GALNT12: variants seen among roughly 807,000 people sequenced by gnomAD.
GALNT12 encodes polypeptide N-acetylgalactosaminyltransferase 12, also known as UDP-GalNAc:polypeptide N-acetylgalactosaminyltransferase 12.
A neutral mutation model predicts 55.5 loss-of-function variants in GALNT12; 45 were observed. The ratio of observed to expected loss-of-function variants is 0.81; its 90% CI spans 0.64 to 1.04. The LOEUF (loss-of-function observed/expected upper bound fraction) is 1.04, where lower values mean the gene tolerates loss of function less well. Ranked by LOEUF, GALNT12 falls within the 50% of genes least tolerant of loss-of-function variation. The pLI is 0.00. For missense variants in GALNT12, 709 were observed against 754.8 expected (o/e 0.94, Z 0.71); for synonymous variants, 304 against 312.2 (o/e 0.97, Z 0.28).
chr9:98,821,325 A>G (rs1835729628), intron 1 of GALNT12, among the ~76,000 whole-genome samples: 1 of 151,812 alleles, frequency 6.6e-6, no homozygotes. Context: ...CTGCTTTTTT[A>G]ATGTTGAAAT....
At chr9:98,842,428 T>C (rs1160587912) in intron 7 of GALNT12, among the ~76,000 whole-genome samples, 3 of 152,096 alleles carry the variant, frequency 2.0e-5, no homozygotes, top group Non-Finnish European at 2.9e-5. Flanking sequence ...AGCTCAAGCA[T>C]TTCTCCTGCC....
chr9:98,837,271 G>A (rs961914980), intron 6 of GALNT12, 123 bp downstream of exon 6: 6 of 897,722 alleles, frequency 6.7e-6, no homozygotes, highest in Non-Finnish European at 5.6e-6. Context: ...GCTCAGATAC[G>A]AGTAAGGGGA....
intron 5 of GALNT12, among the ~76,000 whole-genome samples, chr9:98,836,373 C>T (rs761383701): frequency 1.6e-4 from 24 of 152,234 alleles, no homozygotes; most frequent in Middle Eastern, 3.4e-3. Context: ...GGCCTTCTAC[C>T]GAGGACTCAC....
intron 7 of GALNT12, among the ~76,000 whole-genome samples, chr9:98,842,408 T>G (rs1836313820): frequency 6.6e-6 from 1 of 152,142 alleles, no homozygotes; most frequent in Non-Finnish European, 1.5e-5. Flanking sequence ...AGGCTGGTCT[T>G]GAACTCCTGA....
At chr9:98,835,172 C>T (rs1047975425) in intron 4 of GALNT12, 77 bp from the exon 5 acceptor site, 20 of 967,580 alleles carry the variant, frequency 2.1e-5, no homozygotes, top group African/African-American at 6.4e-5. Flanking sequence ...TGAAAGGGCT[C>T]GTGGTGGGAA....
rs921201676 is a variant in GALNT12, at chr9:98,849,929, T to C, written c.*837T>C. On this transcript the variant is annotated 3_prime_UTR_variant, in exon 10 of 10. Transcript: ENST00000375011. ...CAAGTTTGTTCATTAATAACAGTTATTAATTTAAATCAGCGTTAGAGTTTG... is the reference window on the plus strand; with the variant it reads ...CAAGTTTGTTCATTAATAACAGTTACTAATTTAAATCAGCGTTAGAGTTTG... 4 of 237,278 alleles carry C rather than the reference T, an allele frequency of 1.7e-5. No homozygotes were observed. Among genetic ancestry groups the C allele is most frequent in the Non-Finnish European group, 2.5e-5 (3 of 122,088 alleles). 14.7% of individuals were successfully genotyped at this position (237,278 alleles called of 1,614,324 possible).
rs1588444834 is a variant in GALNT12, at chr9:98,823,494, A to G, written c.541+69A>G. The stretch of plus-strand genomic sequence containing the variant: ...GCAGTGTCTGGGAGGTGAGAGTGGG[A>G]TGCAGGAGGGCTAAAGTAGGCCCAG... On this transcript the variant is annotated intron_variant, in intron 2 of 9. Coordinates refer to ENST00000375011, the MANE Select transcript of GALNT12 (RefSeq NM_024642.5). 4 of 1,428,388 alleles carry G rather than the reference A, an allele frequency of 2.8e-6. No individual in the cohort carries two copies. The East Asian group carries it at 9.1e-5, about 33-fold the overall frequency. The allele number at this position is 1,428,388 out of a possible 1,614,324, so 88.5% of individuals were successfully genotyped here.
intron 1 of GALNT12, 86 bp from the exon 2 acceptor site, chr9:98,823,170 C>A: frequency 2.4e-6 from 3 of 1,254,314 alleles, no homozygotes; most frequent in Non-Finnish European, 3.5e-6. Flanking sequence ...CCGCAGGGGA[C>A]CATGACCTAT....
chr9:98,837,650 G>A (rs1337028879), intron 6 of GALNT12, among the ~76,000 whole-genome samples: 1 of 152,134 alleles, frequency 6.6e-6, no homozygotes, highest in Non-Finnish European at 1.5e-5. Flanking sequence ...TCAGCACTAC[G>A]ACTGGGGGAC....
At position 98,836,195 on chromosome 9, in the gene GALNT12, G is replaced by A. The variant is rs537138162; in HGVS notation, c.1036-777G>A. On this transcript the variant is annotated intron_variant, in intron 5 of 9. Coordinates refer to ENST00000375011, the MANE Select transcript of GALNT12 (RefSeq NM_024642.5). The stretch of plus-strand genomic sequence containing the variant: ...CTACTCTACATGGCCCGTGAAAACC[G>A]TATTGGAAAACTCCTAGCATTTCAG... Among the ~76,000 whole-genome samples, 381 of 152,260 alleles carry A rather than the reference G, an allele frequency of 2.5e-3. 4 individuals are homozygous for A. Among genetic ancestry groups the A allele is most frequent in the African/African-American group, 8.5e-3 (352 of 41,544 alleles).
intron 1 of GALNT12, among the ~76,000 whole-genome samples, chr9:98,819,851 T>G (rs190765094): frequency 7.9e-5 from 12 of 152,260 alleles, no homozygotes; most frequent in Admixed American, 7.8e-4. Flanking sequence ...GACACAAAGA[T>G]CTCAGCCCAG....
chr9:98,823,206 T>C lies in GALNT12; in HGVS notation c.372-50T>C, dbSNP rs1194389040. ...GTCCCCTTTGTCACTCCATCCCCAG[T>C]GCCAGCCTGGGCTAGATCCTGAGTT... On this transcript the variant is annotated intron_variant, in intron 1 of 9. Transcript: ENST00000375011. The C allele has an allele frequency of 2.6e-6, 4 of 1,563,816 alleles. No individual in the cohort carries two copies. The South Asian group carries it at 3.3e-5, about 13-fold the overall frequency.
chr9:98,835,911 T>G lies in GALNT12; in HGVS notation c.1035+545T>G, dbSNP rs1024883845. Among the ~76,000 whole-genome samples, 3 of 152,148 alleles carry G rather than the reference T, an allele frequency of 2.0e-5. No homozygotes were observed. In the East Asian group the frequency reaches 5.8e-4, roughly 29 times the overall value. ...CCATCATGCCCGGCTAATTTTTGTATTTTTAGTATAGACGAGGTTTCACCA... is the reference window on the plus strand; with the variant it reads ...CCATCATGCCCGGCTAATTTTTGTAGTTTTAGTATAGACGAGGTTTCACCA... On this transcript the variant is annotated intron_variant, in intron 5 of 9. Transcript: ENST00000375011.
rs1380223372 is a variant in GALNT12 at position 98,837,008 on chromosome 9, T to C, written c.1072T>C (p.Cys358Arg). The change falls in exon 6 of 10, where the codon TGT becomes CGT. Residue 358 changes from cysteine to arginine, a missense_variant. Transcript: ENST00000375011. ...TGGTGGGGTTCTGGAAACACACCCA[T>C]GTTCCCATGTTGGCCATGTTTTCCC... ...QCGGVLETHP[C>R]SHVGHVFPKQ... The C allele has an allele frequency of 2.5e-6, 4 of 1,614,198 alleles. No homozygotes were observed. Among genetic ancestry groups the C allele is most frequent in the Non-Finnish European group, 2.5e-6 (3 of 1,180,032 alleles).
chr9:98,840,034 G>C lies in GALNT12; in HGVS notation c.1245G>C (p.Gln415His). The change falls in exon 7 of 10, where the codon CAG (glutamine) becomes CAC (histidine). Residue 415 changes from glutamine (Q) to histidine (H), a missense_variant. By Grantham distance (24) the Gln-to-His change is conservative (BLOSUM62 0). Around this residue, in one of 5 missense-constraint regions of GALNT12, gnomAD observed 262 missense variants for 310.7 expected, o/e 0.84. Transcript: ENST00000375011. Reference sequence around the variant, plus strand: ...TTGGGGATGTGACAGAGAGGAAGCAGCTCCGGGACAAGCTCCAGTGTAAAG... The same window carrying C: ...TTGGGGATGTGACAGAGAGGAAGCACCTCCGGGACAAGCTCCAGTGTAAAG... ...EPFGDVTERK[Q>H]LRDKLQCKDF... 6.2e-7 allele frequency: 1 copy of C among 1,614,202 alleles called. No homozygotes were observed. Among genetic ancestry groups the C allele is most frequent in the Non-Finnish European group, 8.5e-7 (1 of 1,180,028 alleles).
intron 1 of GALNT12, among the ~76,000 whole-genome samples, chr9:98,816,347 T>G (rs1300826575): frequency 2.0e-5 from 3 of 146,692 alleles, no homozygotes; most frequent in Non-Finnish European, 4.5e-5. Flanking sequence ...TCTAGAATGG[T>G]GGCCCTAGGC....
chr9:98,826,614 C>A, intron 2 of GALNT12, 138 bp from the exon 3 acceptor site: 1 of 869,336 alleles, frequency 1.2e-6, no homozygotes, highest in Non-Finnish European at 1.9e-6. Context: ...TAAGGATGTC[C>A]CAGGTGGCAG....
At chr9:98,826,719 C>A (rs192539900) in intron 2 of GALNT12, 33 bp from the exon 3 acceptor site, 4 of 1,600,686 alleles carry the variant, frequency 2.5e-6, no homozygotes, top group Non-Finnish European at 3.4e-6. Flanking sequence ...GAGATTGTCA[C>A]GGTGACCCCT....
chr9:98,824,045 A>G (rs1835808106), intron 2 of GALNT12, among the ~76,000 whole-genome samples: 1 of 152,208 alleles, frequency 6.6e-6, no homozygotes, highest in Admixed American at 6.5e-5. Context: ...CTGTGGGCTT[A>G]GTCACTACAG....
Sources: allele counts gnomAD v4.1 joint callset (sites outside exome capture counted in the v4.1 genomes callset), GRCh38; gene constraint gnomAD v4.1.1; regional missense constraint gnomAD v4.1.1; transcripts MANE v1.5; gene names NCBI Gene and HGNC (gene_info 2026-07-23, HGNC 2026-07-21).